APP: variants seen among roughly 807,000 people sequenced by gnomAD.
APP encodes amyloid-beta precursor protein.
A neutral mutation model predicts 101.4 loss-of-function variants in APP; 31 were observed. The observed-to-expected ratio is 0.31, with a 90% CI of 0.23 to 0.41. APP has a LOEUF of 0.41. Ranked by LOEUF, APP falls within the 10% of genes least tolerant of loss-of-function variation. APP has a pLI of 1.00. For missense variants in APP, 839 were observed against 1,003.7 expected (o/e 0.84, Z 2.22); for synonymous variants, 366 against 364.4 (o/e 1.00, Z -0.05).
At position 26,015,448 on chromosome 21, in the gene APP, T is replaced by C. The variant is rs376301323; in HGVS notation, c.865+6392A>G. Among the ~76,000 whole-genome samples the C allele has an allele frequency of 6.6e-4, 101 of 152,328 alleles. No homozygotes were observed. In the East Asian group the frequency reaches 0.011, roughly 16 times the overall value. ...TGAGGATTCAAGGTTATTTGATTTA[T>C]ACAAATTTACACAGTTAGTAGCTTG... On this transcript the variant is annotated intron_variant, in intron 6 of 17. Coordinates refer to ENST00000346798, the MANE Select transcript of APP (RefSeq NM_000484.4).
chr21:26,024,761 T>C (rs144906219), intron 5 of APP, among the ~76,000 whole-genome samples: 1 of 152,046 alleles, frequency 6.6e-6, no homozygotes, highest in Non-Finnish European at 1.5e-5. Flanking sequence ...AAGAATAGTA[T>C]AAAGGGCGTT....
At chr21:26,066,927 G>T (rs1010057728) in intron 3 of APP, among the ~76,000 whole-genome samples, 8 of 152,150 alleles carry the variant, frequency 5.3e-5, no homozygotes, top group Admixed American at 4.6e-4. Flanking sequence ...TAGGGTGAGA[G>T]ACAAGAATAA....
chr21:26,070,561 G>A (rs1048821926), intron 3 of APP, among the ~76,000 whole-genome samples: 10 of 152,052 alleles, frequency 6.6e-5, no homozygotes, highest in Non-Finnish European at 1.5e-5. Context: ...AAACTAAAAA[G>A]TACTGTGAAT....
chr21:25,974,191 G>C (rs541989150), intron 11 of APP, among the ~76,000 whole-genome samples: 1 of 152,180 alleles, frequency 6.6e-6, no homozygotes, highest in South Asian at 2.1e-4. Flanking sequence ...GGAAATTTGA[G>C]TTCTAATTCT....
At chr21:26,081,082 A>G (rs1353818036) in intron 3 of APP, among the ~76,000 whole-genome samples, 4 of 152,228 alleles carry the variant, frequency 2.6e-5, no homozygotes, top group African/African-American at 9.6e-5. Context: ...CAAAATTCTG[A>G]TTCTCAAATA....
At chr21:25,983,973 T>C (rs1333470960) in intron 8 of APP, among the ~76,000 whole-genome samples, 1 of 152,198 alleles carries the variant, frequency 6.6e-6, no homozygotes, top group Admixed American at 6.5e-5. Flanking sequence ...AAGCACTCCA[T>C]GTTTCAATTT....
At chr21:25,972,621 C>T (rs944610100) in intron 11 of APP, among the ~76,000 whole-genome samples, 4 of 97,408 alleles carry the variant, frequency 4.1e-5, no homozygotes, top group East Asian at 3.1e-4. Context: ...ACTGCAGTCT[C>T]GAACTCCTGG....
intron 5 of APP, among the ~76,000 whole-genome samples, chr21:26,032,803 AAAAT>A (rs889797497): frequency 2.3e-5 from 3 of 127,690 alleles, no homozygotes; most frequent in African/African-American, 5.8e-5. Flanking sequence ...AGAAAAAAAA[AAAAT>A]ATATATATAT....
At chr21:26,008,762 G>T (rs2043649923) in intron 6 of APP, among the ~76,000 whole-genome samples, 1 of 152,212 alleles carries the variant, frequency 6.6e-6, no homozygotes, top group South Asian at 2.1e-4. Flanking sequence ...GTCTTGAGGT[G>T]TGAATTTAAG....
At chr21:26,080,785 G>GA (rs959072893) in intron 3 of APP, among the ~76,000 whole-genome samples, 13 of 144,470 alleles carry the variant, frequency 9.0e-5, no homozygotes, top group East Asian at 6.2e-4. Context: ...AAAAAAAAAA[G>GA]AAAAAAAAAT....
chr21:26,150,064 A>C (rs1419819775), intron 1 of APP, among the ~76,000 whole-genome samples: 1 of 152,152 alleles, frequency 6.6e-6, no homozygotes, highest in African/African-American at 2.4e-5. Context: ...AAAAACACAA[A>C]TTTTATTTAA....
At chr21:26,094,303 G>A (rs993692342) in intron 2 of APP, among the ~76,000 whole-genome samples, 1 of 151,912 alleles carries the variant, frequency 6.6e-6, no homozygotes, top group Non-Finnish European at 1.5e-5. Flanking sequence ...TTTATTTAAG[G>A]GGGAGAACAT....
chr21:26,077,191 G>C (rs891918903), intron 3 of APP, among the ~76,000 whole-genome samples: 1 of 152,054 alleles, frequency 6.6e-6, no homozygotes, highest in Non-Finnish European at 1.5e-5. Flanking sequence ...TCCATAACAA[G>C]AGGAGGTCAT....
intron 8 of APP, among the ~76,000 whole-genome samples, chr21:25,985,359 T>C (rs1308679385): frequency 6.6e-6 from 1 of 152,150 alleles, no homozygotes; most frequent in Non-Finnish European, 1.5e-5. Flanking sequence ...GCATCGGAAT[T>C]GGTGCACTCA....
At chr21:26,123,355 AC>A (rs1253003707) in intron 1 of APP, among the ~76,000 whole-genome samples, 1 of 152,174 alleles carries the variant, frequency 6.6e-6, no homozygotes, top group Non-Finnish European at 1.5e-5. Flanking sequence ...TGACATAAAA[AC>A]CCAAGATAAT....
intron 1 of APP, among the ~76,000 whole-genome samples, chr21:26,130,338 T>C (rs899979656): frequency 6.6e-6 from 1 of 152,260 alleles, no homozygotes; most frequent in Non-Finnish European, 1.5e-5. Context: ...TTGTTTTAAG[T>C]TCTTGTTTGA....
At chr21:25,916,266 T>G (rs1601393714) in intron 13 of APP, among the ~76,000 whole-genome samples, 1 of 152,126 alleles carries the variant, frequency 6.6e-6, no homozygotes, top group African/African-American at 2.4e-5. Flanking sequence ...CCTCCCAAAG[T>G]GCTGGGATGA....
intron 14 of APP, among the ~76,000 whole-genome samples, chr21:25,905,616 T>C (rs1413893348): frequency 6.6e-6 from 1 of 152,310 alleles, no homozygotes; most frequent in Non-Finnish European, 1.5e-5. Flanking sequence ...TTGTCCTTAG[T>C]ATGAGGGCAG....
intron 8 of APP, among the ~76,000 whole-genome samples, chr21:25,993,548 A>T (rs1344508164): frequency 6.6e-6 from 1 of 152,268 alleles, no homozygotes; most frequent in Non-Finnish European, 1.5e-5. Flanking sequence ...GGACAGCAAC[A>T]GCAACTTCCA....
Sources: allele counts gnomAD v4.1 joint callset (sites outside exome capture counted in the v4.1 genomes callset), GRCh38; gene constraint gnomAD v4.1.1; transcripts MANE v1.5; gene names NCBI Gene and HGNC (gene_info 2026-07-23, HGNC 2026-07-21).